Variants in SLC25A43 observed in about 807,000 individuals in gnomAD.
The protein encoded by SLC25A43 is solute carrier family 25, member 43.
In SLC25A43, 10 loss-of-function variants were observed where a neutral mutation model predicts 22.8. The ratio of observed to expected loss-of-function variants is 0.44; its 90% CI spans 0.27 to 0.74. The LOEUF is 0.74. Among genes scored for constraint, SLC25A43 ranks in the 30% least tolerant of loss-of-function variants. SLC25A43 has a pLI of 0.17. For missense variants in SLC25A43, 233 were observed against 279.1 expected (o/e 0.83, Z 1.18); for synonymous variants, 106 against 121.6 (o/e 0.87, Z 0.84).
In SLC25A43 at chrX:119,410,344, C is replaced by T. The variant is rs142240806; in HGVS notation, c.672C>T (p.Thr224=). ...AGACCCTCTCCTTTCCCTTTGAGAC[C>T]GTGAAGAGAAAGATGCAGGTGAGGA... The part of the protein sequence containing the change: ...VTQTLSFPFE[T]VKRKMQAQSP... Residue 224 remains threonine, a synonymous_variant, in exon 3 of 5, where the codon ACC becomes ACT. Coordinates refer to ENST00000217909, the MANE Select transcript of SLC25A43 (RefSeq NM_145305.3). The T allele has an allele frequency of 1.2e-5, 15 of 1,208,732 alleles. No homozygotes were observed. The highest frequency in any genetic ancestry group is 5.3e-5 in the African/African-American group (3 of 56,830).
chrX:119,412,090 C>T (rs1011357764), intron 3 of SLC25A43, among the ~76,000 whole-genome samples: 10 of 110,965 alleles, frequency 9.0e-5, no homozygotes, highest in Non-Finnish European at 1.1e-4. Context: ...TGTCCCTCCC[C>T]GCTCCCGCTT....
chrX:119,424,208 G>A (rs1255685404), intron 3 of SLC25A43, among the ~76,000 whole-genome samples: 32 of 94,256 alleles, frequency 3.4e-4, no homozygotes, highest in South Asian at 9.9e-4. Flanking sequence ...GCAAGACTCC[G>A]TCTCAAAAAA....
intron 3 of SLC25A43, among the ~76,000 whole-genome samples, chrX:119,445,480 G>T (rs906440401): frequency 8.9e-6 from 1 of 111,903 alleles, no homozygotes; most frequent in Non-Finnish European, 1.9e-5. Context: ...CAGTAGTGGG[G>T]TGGGGTGTCC....
intron 1 of SLC25A43, among the ~76,000 whole-genome samples, chrX:119,405,859 C>T (rs1394760367): frequency 9.1e-6 from 1 of 110,489 alleles, no homozygotes; most frequent in Non-Finnish European, 1.9e-5. Context: ...TGGTGAAACT[C>T]CGTCTCTACT....
rs141488181 is a variant in SLC25A43 at position 119,406,512 on chromosome X, A to G, written c.328A>G (p.Ile110Val). The G allele has an allele frequency of 2.5e-4, 302 of 1,209,845 alleles. No homozygotes were observed. In the African/African-American group the frequency reaches 4.4e-3, roughly 17 times the overall value. Residue 110 changes from isoleucine to valine, a missense_variant, in exon 2 of 5, where the codon ATC becomes GTC. Coordinates refer to ENST00000217909, the MANE Select transcript of SLC25A43 (RefSeq NM_145305.3). ...DLGHISQWSSIMAGSLAGMVS... is the reference protein window; with the variant it reads ...DLGHISQWSSVMAGSLAGMVS... Reference sequence around the variant, plus strand: ...GGGCCACATTTCCCAGTGGAGCTCCATCATGGCTGGGAGTCTCGCAGGCAT... The same window carrying G: ...GGGCCACATTTCCCAGTGGAGCTCCGTCATGGCTGGGAGTCTCGCAGGCAT...
At position 119,443,410 on chromosome X, in the gene SLC25A43, C is replaced by T. The variant is rs191776138; in HGVS notation, c.691-8599C>T. The stretch of plus-strand genomic sequence containing the variant: ...GCTAGAATTAACAGGTGTGAGCCAC[C>T]GCGCCCAGCCCCCATTCTCTATTCT... On this transcript the variant is annotated intron_variant, in intron 3 of 4. Coordinates refer to ENST00000217909, the MANE Select transcript of SLC25A43 (RefSeq NM_145305.3). 2.0e-3 allele frequency among the ~76,000 whole-genome samples: 216 copies of T among 107,139 alleles called. 1 individual carries two copies. Among genetic ancestry groups the T allele is most frequent in the African/African-American group, 7.0e-3 (205 of 29,441 alleles). 93.0% of individuals were successfully genotyped at this position (107,139 alleles called of 115,157 possible). A position where few individuals can be genotyped will look rare whatever the true frequency, so the allele number is the denominator to read the frequency against.
At chrX:119,420,391 G>C (rs1052582665) in intron 3 of SLC25A43, among the ~76,000 whole-genome samples, 1 of 107,572 alleles carries the variant, frequency 9.3e-6, no homozygotes, top group Non-Finnish European at 1.9e-5. Context: ...TCAACCTCCC[G>C]GGCCCAAGCA....
Position 119,406,696 on chromosome X carries a change from T to A in SLC25A43, c.512T>A (p.Val171Asp), listed in dbSNP as rs895309079. The change falls in exon 2 of 5, where the codon GTT becomes GAT. Residue 171 changes from valine to aspartate, a missense_variant. Val to Asp is a radical substitution (Grantham distance 152, BLOSUM62 -3). Coordinates refer to ENST00000217909, the MANE Select transcript of SLC25A43 (RefSeq NM_145305.3). ...LALYRGVSLT[V>D]VGALPFSAGS... ...CTTTATCGAGGGGTTTCCCTCACTG[T>A]TGTAGGTAAGATGGACCTTTTCACC... 2 of 1,209,603 alleles carry A rather than the reference T, an allele frequency of 1.7e-6. No individual in the cohort carries two copies. The highest frequency in any genetic ancestry group is 3.5e-5 in the African/African-American group (2 of 57,440).
At chrX:119,422,381 C>G (rs1172057757) in intron 3 of SLC25A43, among the ~76,000 whole-genome samples, 1 of 112,003 alleles carries the variant, frequency 8.9e-6, no homozygotes. Flanking sequence ...TCCCATCTCC[C>G]CAAGCAGTAG....
intron 3 of SLC25A43, among the ~76,000 whole-genome samples, chrX:119,444,717 A>G (rs778799919): frequency 6.8e-5 from 7 of 103,522 alleles, no homozygotes; most frequent in East Asian, 6.0e-4. Context: ...AAAAAAAAAA[A>G]AAGAAGAAAT....
rs146158881 is a variant in SLC25A43, at chrX:119,412,033, C to G, written c.690+1671C>G. On this transcript the variant is annotated intron_variant, in intron 3 of 4. Coordinates refer to ENST00000217909, the MANE Select transcript of SLC25A43 (RefSeq NM_145305.3). Reference sequence around the variant, plus strand: ...CCAAGTTTAAATGAGCAGTCCCAGCCAAGTTTGGTTTTCCCCTGTGACTCT... The same window carrying G: ...CCAAGTTTAAATGAGCAGTCCCAGCGAAGTTTGGTTTTCCCCTGTGACTCT... 9.7e-4 allele frequency among the ~76,000 whole-genome samples: 108 copies of G among 111,401 alleles called. 2 individuals are homozygous for G. The East Asian group carries it at 0.027, about 28-fold the overall frequency.
chrX:119,424,212 CAAA>C (rs201882702), intron 3 of SLC25A43, among the ~76,000 whole-genome samples: 2 of 59,255 alleles, frequency 3.4e-5, no homozygotes, highest in African/African-American at 5.7e-5. Context: ...GACTCCGTCT[CAAA>C]AAAAAAAAAA....
At chrX:119,410,615 C>T (rs952072300) in intron 3 of SLC25A43, among the ~76,000 whole-genome samples, 11 of 111,754 alleles carry the variant, frequency 9.8e-5, no homozygotes, top group East Asian at 5.6e-4. Flanking sequence ...AGGCTAGGGG[C>T]GGTGATTCAC....
chrX:119,433,660 G>C (rs762614576), intron 3 of SLC25A43, among the ~76,000 whole-genome samples: 10 of 112,429 alleles, frequency 8.9e-5, no homozygotes, highest in Non-Finnish European at 1.7e-4. Context: ...CAAAGCAATG[G>C]TAACATCTGA....
intron 3 of SLC25A43, among the ~76,000 whole-genome samples, chrX:119,450,345 C>T (rs1315654476): frequency 8.9e-6 from 1 of 111,855 alleles, no homozygotes; most frequent in Non-Finnish European, 1.9e-5. Context: ...GAATACATTT[C>T]ATTTATTCAA....
intron 3 of SLC25A43, among the ~76,000 whole-genome samples, chrX:119,426,616 AG>A (rs2052507189): frequency 9.0e-6 from 1 of 111,126 alleles, no homozygotes; most frequent in Admixed American, 9.6e-5. Context: ...TGAGGCCAGG[AG>A]TTCCAGACCA....
At chrX:119,447,258 T>C (rs2052675587) in intron 3 of SLC25A43, among the ~76,000 whole-genome samples, 1 of 109,993 alleles carries the variant, frequency 9.1e-6, no homozygotes, top group Non-Finnish European at 1.9e-5. Flanking sequence ...CCAGCCCGAT[T>C]CTCTCTTGAG....
intron 3 of SLC25A43, among the ~76,000 whole-genome samples, chrX:119,420,170 G>A (rs2052439742): frequency 9.0e-6 from 1 of 111,609 alleles, no homozygotes; most frequent in Admixed American, 9.6e-5. Context: ...CAGTAATTGA[G>A]CTGGGATATA....
chrX:119,404,288 G>A (rs1025471916), intron 1 of SLC25A43, among the ~76,000 whole-genome samples: 1 of 111,435 alleles, frequency 9.0e-6, no homozygotes, highest in East Asian at 2.8e-4. Flanking sequence ...GGCATGAGAC[G>A]CCATGCCTAG....
Sources: gnomAD v4.1 joint callset for allele counts (sites outside exome capture counted in the v4.1 genomes callset) on GRCh38, gnomAD v4.1.1 for gene constraint, MANE v1.5 for transcripts, NCBI Gene and HGNC (gene_info 2026-07-23, HGNC 2026-07-21) for gene names.